FARP1: variants seen among roughly 807,000 people sequenced by gnomAD.
FARP1 encodes FERM, ARH/RhoGEF and pleckstrin domain protein 1, also known as FERM, ARHGEF and pleckstrin domain-containing protein 1.
FARP1 carries 52 observed loss-of-function variants against 128.8 expected under a neutral mutation model. The ratio of observed to expected loss-of-function variants is 0.40; its 90% CI spans 0.32 to 0.51. FARP1 has a LOEUF of 0.51. Among genes scored for constraint, FARP1 ranks in the 20% least tolerant of loss-of-function variants. The probability of loss-of-function intolerance (pLI) is 0.45; values close to 1 mark genes in which losing one functional copy is unlikely to be tolerated. For synonymous variants in FARP1, 580 were observed against 551.8 expected, an observed-to-expected ratio of 1.05 and a Z score of -0.72; for missense variants, 1,333 against 1,367.9, an observed-to-expected ratio of 0.97 and a Z score of 0.40.
At chr13:98,244,817 A>C (rs1196236197) in intron 2 of FARP1, 5 of 1,504,846 alleles carry the variant, frequency 3.3e-6, no homozygotes, top group Non-Finnish European at 4.4e-6. Flanking sequence ...CCAATAAGTG[A>C]TTTTTCTGCT....
At chr13:98,437,288 A>G (rs1487612413) in intron 19 of FARP1, among the ~76,000 whole-genome samples, 2 of 152,106 alleles carry the variant, frequency 1.3e-5, no homozygotes, top group African/African-American at 2.4e-5. Flanking sequence ...TATCTGAAAA[A>G]TGGGAATAAT....
At position 98,449,911 on chromosome 13, in the gene FARP1, C is replaced by G. The variant is rs1893106402; in HGVS notation, c.*1594C>G. 1 of 152,360 alleles carries G rather than the reference C, an allele frequency of 6.6e-6. No individual in the cohort carries two copies. Among genetic ancestry groups the G allele is most frequent in the African/African-American group, 2.4e-5 (1 of 41,436 alleles). The allele number at this position is 152,360 out of a possible 1,614,324, so 9.4% of individuals were successfully genotyped here. On this transcript the variant is annotated 3_prime_UTR_variant, in exon 27 of 27. Coordinates refer to ENST00000319562, the MANE Select transcript of FARP1 (RefSeq NM_005766.4). ...ACTGTTCCCTATGCTCCCCCCACCT[C>G]CAGGCAGGGGCAGAGCAAACAAACA...
intron 2 of FARP1, among the ~76,000 whole-genome samples, chr13:98,285,009 G>A (rs554489682): frequency 4.7e-4 from 72 of 152,152 alleles, no homozygotes; most frequent in Non-Finnish European, 8.5e-4. Context: ...CCCTAGATCC[G>A]ACTTTGGAAT....
chr13:98,318,945 T>C (rs547940373), intron 2 of FARP1, among the ~76,000 whole-genome samples: 48 of 131,554 alleles, frequency 3.6e-4, no homozygotes, highest in Non-Finnish European at 7.0e-4. Context: ...GCTTAGTTTT[T>C]TCTTGTTTTT....
intron 2 of FARP1, among the ~76,000 whole-genome samples, chr13:98,300,860 G>A (rs1457412551): frequency 6.6e-6 from 1 of 151,974 alleles, no homozygotes; most frequent in Non-Finnish European, 1.5e-5. Context: ...GCCGACTTGG[G>A]GGCTCCATGG....
chr13:98,241,633 T>C (rs1409955851), intron 2 of FARP1, among the ~76,000 whole-genome samples: 1 of 151,998 alleles, frequency 6.6e-6, no homozygotes, highest in Non-Finnish European at 1.5e-5. Context: ...CTTTAAAAAC[T>C]GGCCAGGTGT....
intron 2 of FARP1, chr13:98,332,952 AAT>A (rs1887572964): frequency 6.6e-6 from 1 of 152,172 alleles, no homozygotes; most frequent in Non-Finnish European, 1.5e-5. Flanking sequence ...CTTCCTTTGG[AAT>A]AATAGTTTTG....
At chr13:98,396,658 A>G in intron 13 of FARP1, 1 of 396,686 alleles carries the variant, frequency 2.5e-6, no homozygotes, top group Non-Finnish European at 4.4e-6. Context: ...TAAAATCGTT[A>G]AGAAAAACAA....
intron 13 of FARP1, chr13:98,406,636 C>T (rs1326445925): frequency 6.6e-6 from 1 of 152,260 alleles, no homozygotes; most frequent in Non-Finnish European, 1.5e-5. Flanking sequence ...AAGCCTGCCC[C>T]CAGCAGCCTG....
intron 2 of FARP1, among the ~76,000 whole-genome samples, chr13:98,299,871 G>GT (rs1235600451): frequency 2.6e-5 from 4 of 152,162 alleles, no homozygotes; most frequent in Non-Finnish European, 4.4e-5. Context: ...TTTTAAAATA[G>GT]TTTTTTGTTT....
intron 2 of FARP1, among the ~76,000 whole-genome samples, chr13:98,317,820 C>T (rs1453102858): frequency 1.3e-5 from 2 of 152,148 alleles, no homozygotes; most frequent in Non-Finnish European, 2.9e-5. Context: ...AGGGCCGCCT[C>T]CTTGTAGTGT....
chr13:98,262,750 A>G (rs1883940269), intron 2 of FARP1, among the ~76,000 whole-genome samples: 1 of 152,212 alleles, frequency 6.6e-6, no homozygotes. Flanking sequence ...AATTAAAGCA[A>G]TGGAAATAGA....
At chr13:98,260,506 T>A (rs1307339115) in intron 2 of FARP1, among the ~76,000 whole-genome samples, 1 of 152,210 alleles carries the variant, frequency 6.6e-6, no homozygotes, top group African/African-American at 2.4e-5. Context: ...AAAGACCCAG[T>A]CAGTGATACA....
At chr13:98,275,466 A>G (rs1432980515) in intron 2 of FARP1, among the ~76,000 whole-genome samples, 1 of 151,606 alleles carries the variant, frequency 6.6e-6, no homozygotes, top group Non-Finnish European at 1.5e-5. Context: ...ATGATTTGGT[A>G]AATATTTTAA....
At chr13:98,414,691 A>G (rs1038920176) in intron 16 of FARP1, among the ~76,000 whole-genome samples, 1 of 152,218 alleles carries the variant, frequency 6.6e-6, no homozygotes, top group Non-Finnish European at 1.5e-5. Flanking sequence ...GGTCAAGAAC[A>G]TTTGCCCTAA....
At chr13:98,435,859 C>T (rs1998535) in intron 19 of FARP1, 153 bp downstream of exon 19, 210,011 of 797,774 alleles carry the variant, frequency 0.26, 28,828 homozygotes, top group East Asian at 0.36. Flanking sequence ...ACAACAGTGT[C>T]GTTAGTTCAG....
At chr13:98,429,449 G>A (rs1891928957) in intron 17 of FARP1, among the ~76,000 whole-genome samples, 1 of 152,212 alleles carries the variant, frequency 6.6e-6, no homozygotes, top group Non-Finnish European at 1.5e-5. Context: ...TCACAGTGAA[G>A]TGGAAGGGGC....
Position 98,453,506 on chromosome 13 carries a change from T to C in FARP1, c.*5189T>C, listed in dbSNP as rs1893299119. ...TATCCCTTTTACTTACGATCAATTG[T>C]CAAAAAGTGAACATTGATCCATACA... On this transcript the variant is annotated 3_prime_UTR_variant, in exon 27 of 27. Transcript: ENST00000319562. The C allele has an allele frequency of 2.8e-6, 1 of 362,822 alleles. No individual in the cohort carries two copies. Among genetic ancestry groups the C allele is most frequent in the African/African-American group, 2.1e-5 (1 of 46,692 alleles). The allele number at this position is 362,822 out of a possible 1,614,324, so 22.5% of individuals were successfully genotyped here. A position where few individuals can be genotyped will look rare whatever the true frequency, so the allele number is the denominator to read the frequency against.
chr13:98,288,043 G>A (rs1241172867), intron 2 of FARP1, among the ~76,000 whole-genome samples: 3 of 151,974 alleles, frequency 2.0e-5, no homozygotes, highest in South Asian at 2.1e-4. Context: ...CTCGTGATCC[G>A]CCCACGTCGG....
Sources: gnomAD v4.1 joint callset for allele counts (sites outside exome capture counted in the v4.1 genomes callset) on GRCh38, gnomAD v4.1.1 for gene constraint, MANE v1.5 for transcripts, NCBI Gene and HGNC (gene_info 2026-07-23, HGNC 2026-07-21) for gene names.